The following BPTF variants were observed in gnomAD, a reference collection of about 807,000 sequenced individuals.
BPTF encodes bromodomain PHD finger transcription factor.
BPTF carries 18 observed loss-of-function variants against 292.5 expected under a neutral mutation model. That is an observed-to-expected ratio of 0.06 (90% CI 0.04 to 0.09). The LOEUF (loss-of-function observed/expected upper bound fraction) is 0.09, where lower values mean the gene tolerates loss of function less well. Among genes scored for constraint, BPTF ranks in the 10% least tolerant of loss-of-function variants. The pLI, the probability that BPTF is intolerant of heterozygous loss-of-function variation, is 1.00. For missense variants in BPTF, 2,726 were observed against 3,498.7 expected (o/e 0.78, Z 5.57); for synonymous variants, 1,225 against 1,251.9 (o/e 0.98, Z 0.45).
chr17:67,835,900 T>C (rs7218014), intron 1 of BPTF, among the ~76,000 whole-genome samples: 50,415 of 151,736 alleles, frequency 0.33, 10,359 homozygotes, highest in East Asian at 0.66. Context: ...TTCCTGACCT[T>C]GTGATCCGCC....
At chr17:67,862,388 TTTAA>T (rs1470206626) in intron 2 of BPTF, among the ~76,000 whole-genome samples, 1 of 152,200 alleles carries the variant, frequency 6.6e-6, no homozygotes, top group Non-Finnish European at 1.5e-5. Context: ...CTTTATATAT[TTTAA>T]TTAATTTAAT....
intron 1 of BPTF, among the ~76,000 whole-genome samples, chr17:67,826,845 C>CA (rs956535924): frequency 8.5e-5 from 13 of 152,152 alleles, no homozygotes; most frequent in Admixed American, 2.6e-4. Context: ...CAAACACGCA[C>CA]AAAAAAATGC....
rs2067315951 is a variant in BPTF, at chr17:67,959,961, G to A, written c.8261+86G>A. On this transcript the variant is annotated intron_variant, in intron 24 of 27. Coordinates refer to ENST00000306378, the MANE Select transcript of BPTF (RefSeq NM_182641.4). ...TTTGAAGAAAATGAATATTTTGGGA[G>A]TGATATAAATGAAAATATTAAATTT... 2.9e-6 allele frequency: 3 copies of A among 1,032,350 alleles called. No individual in the cohort carries two copies. In the South Asian group the frequency reaches 5.4e-5, roughly 19 times the overall value. The allele number at this position is 1,032,350 out of a possible 1,614,324, so 63.9% of individuals were successfully genotyped here. A position where few individuals can be genotyped will look rare whatever the true frequency, so the allele number is the denominator to read the frequency against.
rs910582100 is a variant in BPTF, at chr17:67,843,208, ATGTATG to A, written c.614-10730_614-10725del. Among the ~76,000 whole-genome samples the A allele has an allele frequency of 2.1e-4, 27 of 127,236 alleles. No individual in the cohort carries two copies. In the East Asian group the frequency reaches 2.2e-3, roughly 10 times the overall value. 83.5% of individuals were successfully genotyped at this position (127,236 alleles called of 152,430 possible). ...TCTACATACATCTACATACATGTAG[ATGTATG>A]TAGATATATACCTATATATCTACAT... On this transcript the variant is annotated intron_variant, in intron 1 of 27. Coordinates refer to ENST00000306378, the MANE Select transcript of BPTF (RefSeq NM_182641.4).
intron 13 of BPTF, among the ~76,000 whole-genome samples, chr17:67,921,530 T>C (rs59583423): frequency 0.017 from 2,538 of 148,100 alleles, 76 homozygotes; most frequent in African/African-American, 0.062. Flanking sequence ...CATTTCCAAG[T>C]AAATAAATAA....
At position 67,928,469 on chromosome 17, in the gene BPTF, G is replaced by A; in HGVS notation, c.5866G>A (p.Gly1956Ser). 1 of 1,614,116 alleles carries A rather than the reference G, an allele frequency of 6.2e-7. No individual in the cohort carries two copies. The highest frequency in any genetic ancestry group is 8.5e-7 in the Non-Finnish European group (1 of 1,180,010). Residue 1956 changes from glycine (G) to serine (S), a missense_variant, in exon 16 of 28, where the codon GGC (glycine) becomes AGC (serine). Gly to Ser is a moderately conservative substitution (Grantham distance 56). Coordinates refer to ENST00000306378, the MANE Select transcript of BPTF (RefSeq NM_182641.4). ...AQKVMVAPIS[G>S]SVTTGTKMVL... ...GAAGGTTATGGTGGCCCCCATAAGT[G>A]GCTCAGTTACAACTGGAACCAAAAT...
intron 7 of BPTF, among the ~76,000 whole-genome samples, chr17:67,899,765 A>T (rs1294814817): frequency 6.6e-6 from 1 of 151,890 alleles, no homozygotes; most frequent in Non-Finnish European, 1.5e-5. Context: ...TCCCAACCTC[A>T]TGATCTGCCC....
rs943348736 is a variant in BPTF, at chr17:67,917,131, C to CTTTTTTTTTT, written c.5304-1573_5304-1564dup. On this transcript the variant is annotated intron_variant, in intron 11 of 27. Transcript: ENST00000306378. ...GATAAGTAACTAATATGGTATTGTC[C>CTTTTTTTTTT]TTTTTTTTTTTTTTTTTTTGAGATA... Among the ~76,000 whole-genome samples the CTTTTTTTTTT allele has an allele frequency of 6.5e-4, 69 of 105,776 alleles. 2 individuals are homozygous for CTTTTTTTTTT. The highest frequency in any genetic ancestry group is 2.4e-3 in the East Asian group (6 of 2,450). The allele number at this position is 105,776 out of a possible 152,430, so 69.4% of individuals were successfully genotyped here. A position where few individuals can be genotyped will look rare whatever the true frequency, so the allele number is the denominator to read the frequency against.
chr17:67,977,378 A>C (rs1350377697), intron 27 of BPTF, among the ~76,000 whole-genome samples: 13 of 152,016 alleles, frequency 8.6e-5, no homozygotes, highest in African/African-American at 2.9e-4. Flanking sequence ...AGGCAGGCAT[A>C]ATGGTGCACG....
At chr17:67,972,927 A>G (rs1415999621) in intron 26 of BPTF, among the ~76,000 whole-genome samples, 2 of 151,064 alleles carry the variant, frequency 1.3e-5, no homozygotes, top group Non-Finnish European at 2.9e-5. Context: ...TTGGAATCCA[A>G]CTCTGTGTGT....
Position 67,982,442 on chromosome 17 carries a change from G to C in BPTF, c.*154G>C, listed in dbSNP as rs564694031. 3 of 546,144 alleles carry C rather than the reference G, an allele frequency of 5.5e-6. No homozygotes were observed. The highest frequency in any genetic ancestry group is 9.1e-6 in the Non-Finnish European group (3 of 330,004). 33.8% of individuals were successfully genotyped at this position (546,144 alleles called of 1,614,324 possible). Reference sequence around the variant, plus strand: ...GTCATAACAGTCCAATTATATTCTTGGCCAATTTTGTCCAACGGACAAGAA... The same window carrying C: ...GTCATAACAGTCCAATTATATTCTTCGCCAATTTTGTCCAACGGACAAGAA... On this transcript the variant is annotated 3_prime_UTR_variant, in exon 28 of 28. Coordinates refer to ENST00000306378, the MANE Select transcript of BPTF (RefSeq NM_182641.4).
intron 23 of BPTF, among the ~76,000 whole-genome samples, chr17:67,950,256 C>T (rs1314223330): frequency 2.6e-5 from 4 of 150,970 alleles, no homozygotes; most frequent in Non-Finnish European, 3.0e-5. Context: ...GTGAGACTGT[C>T]CCCCCGCCCC....
At chr17:67,942,213 G>A (rs571261108) in intron 19 of BPTF, among the ~76,000 whole-genome samples, 3 of 152,112 alleles carry the variant, frequency 2.0e-5, no homozygotes, top group Non-Finnish European at 2.9e-5. Flanking sequence ...CTGCTTGGGA[G>A]GCTGAGGCAG....
At chr17:67,934,418 T>C (rs2064723229) in intron 18 of BPTF, among the ~76,000 whole-genome samples, 1 of 151,594 alleles carries the variant, frequency 6.6e-6, no homozygotes, top group African/African-American at 2.4e-5. Context: ...CTTGGGAGGC[T>C]GAGGCAGGAG....
At chr17:67,843,446 T>G in intron 1 of BPTF, among the ~76,000 whole-genome samples, 1 of 150,700 alleles carries the variant, frequency 6.6e-6, no homozygotes, top group East Asian at 1.9e-4. Flanking sequence ...CCTCAAGTGA[T>G]CTGCCCTCCT....
intron 3 of BPTF, among the ~76,000 whole-genome samples, chr17:67,870,661 C>G (rs2059663883): frequency 6.6e-6 from 1 of 151,436 alleles, no homozygotes; most frequent in African/African-American, 2.4e-5. Context: ...TACTGGGGTT[C>G]TGATAATAGC....
At chr17:67,860,470 G>T (rs891111578) in intron 2 of BPTF, among the ~76,000 whole-genome samples, 8 of 152,104 alleles carry the variant, frequency 5.3e-5, no homozygotes, top group African/African-American at 1.9e-4. Context: ...GTATAGATTA[G>T]TGAAGCTTAT....
At chr17:67,929,296 A>G in intron 16 of BPTF, 40 bp from the exon 17 acceptor site, 4 of 1,610,466 alleles carry the variant, frequency 2.5e-6, no homozygotes, top group Non-Finnish European at 2.5e-6. Context: ...GCTTTCCAAT[A>G]AAGTGATAGT....
Position 67,959,602 on chromosome 17 carries a change from C to T in BPTF, c.7988C>T (p.Ala2663Val), listed in dbSNP as rs1555682658. The T allele has an allele frequency of 7.6e-6, 12 of 1,573,074 alleles. No homozygotes were observed. The highest frequency in any genetic ancestry group is 1.0e-5 in the Non-Finnish European group (12 of 1,165,708). ...AAAGACCTGATGCAGTTGGCTCAGG[C>T]CACAGCAGTAGCTGCACCCTGCCCC... ...KEKDLMQLAQ[A>V]TAVAAPCPPV... The change falls in exon 24 of 28, where the codon GCC (alanine) becomes GTC (valine). Residue 2663 changes from alanine (A) to valine (V), a missense_variant. Transcript: ENST00000306378.
Sources: gnomAD v4.1 joint callset for allele counts (sites outside exome capture counted in the v4.1 genomes callset) on GRCh38, gnomAD v4.1.1 for gene constraint, MANE v1.5 for transcripts, NCBI Gene and HGNC (gene_info 2026-07-23, HGNC 2026-07-21) for gene names.